The following PPP2R1B variants were observed in gnomAD, a reference collection of about 807,000 sequenced individuals.
PPP2R1B encodes the protein protein phosphatase 2 scaffold subunit Abeta.
Under a neutral mutation model 72.7 loss-of-function variants are expected in PPP2R1B, and 58 were observed. The ratio of observed to expected loss-of-function variants is 0.80; its 90% CI spans 0.65 to 0.99. The LOEUF (loss-of-function observed/expected upper bound fraction) is 0.99, where lower values mean the gene tolerates loss of function less well. Among genes scored for constraint, PPP2R1B ranks in the 50% least tolerant of loss-of-function variants. PPP2R1B has a pLI of 0.00. For synonymous variants in PPP2R1B, 256 were observed against 264.6 expected (o/e 0.97, Z 0.32); for missense variants, 695 against 733.6 (o/e 0.95, Z 0.61).
chr11:111,756,087 G>A (rs1277357942), intron 5 of PPP2R1B, among the ~76,000 whole-genome samples: 2 of 152,108 alleles, frequency 1.3e-5, no homozygotes, highest in Non-Finnish European at 2.9e-5. Flanking sequence ...GCGGGTGCCT[G>A]TAGTCCCAGC....
chr11:111,717,090 G>A, the PPP2R1B span, among the ~76,000 whole-genome samples: 21 of 152,078 alleles, frequency 1.4e-4, no homozygotes, highest in South Asian at 1.0e-3. Flanking sequence ...TGAGGCAGGC[G>A]GATCACGAGG....
At chr11:111,764,233 AT>A (rs1945435939) in intron 3 of PPP2R1B, among the ~76,000 whole-genome samples, 1 of 149,938 alleles carries the variant, frequency 6.7e-6, no homozygotes, top group African/African-American at 2.5e-5. Context: ...TTTTTAAGAG[AT>A]GGGGGTCTCA....
At chr11:111,701,059 C>T in the PPP2R1B span, 1 of 1,583,538 alleles carries the variant, frequency 6.3e-7, no homozygotes, top group Non-Finnish European at 8.6e-7. This position sits in a 1 kb window ranked among gnomAD's most constrained non-coding sequence, Gnocchi z 4.2. Flanking sequence ...ACTGATAATA[C>T]TTGGTGTTCT....
downstream of PPP2R1B, chr11:111,722,620 G>A (rs1335026684): frequency 1.0e-5 from 16 of 1,574,726 alleles, no homozygotes; most frequent in Non-Finnish European, 4.4e-6. The surrounding 1 kb of genome is among the most constrained non-coding windows in gnomAD (Gnocchi z 4.4). Context: ...TGCATCCTAG[G>A]TGACAGCACA....
intron 3 of PPP2R1B, among the ~76,000 whole-genome samples, 189 bp downstream of exon 3, chr11:111,764,616 T>C (rs1555052407): frequency 6.6e-6 from 1 of 151,104 alleles, no homozygotes; most frequent in African/African-American, 2.4e-5. Context: ...TTCTCTTATT[T>C]ACAGAAAAAA....
rs45617836 is a variant in PPP2R1B, at chr11:111,728,559, G to A, written c.1912-1502C>T. 1,252 of 152,226 alleles carry A rather than the reference G, an allele frequency of 8.2e-3. 17 individuals carry two copies. Among genetic ancestry groups the A allele is most frequent in the Non-Finnish European group, 0.013 (854 of 68,074 alleles). 9.4% of individuals were successfully genotyped at this position (152,226 alleles called of 1,614,324 possible). A position where few individuals can be genotyped will look rare whatever the true frequency, so the allele number is the denominator to read the frequency against. Reference sequence around the variant, plus strand: ...CCACCTTGGCCTCCCAAAGTACTGGGATTACAGGTGTGAGCCACCACACCC... The same window carrying A: ...CCACCTTGGCCTCCCAAAGTACTGGAATTACAGGTGTGAGCCACCACACCC... On this transcript the variant is annotated intron_variant, in intron 15 of 15. Coordinates refer to the PPP2R1B transcript ENST00000311129.
chr11:111,690,874 G>A, the PPP2R1B span, among the ~76,000 whole-genome samples: 2 of 152,248 alleles, frequency 1.3e-5, no homozygotes, highest in South Asian at 4.1e-4. Context: ...AGGCATTTGG[G>A]TTGGTTCCAA....
chr11:111,750,026 C>T (rs1944844876), intron 10 of PPP2R1B, among the ~76,000 whole-genome samples: 1 of 152,148 alleles, frequency 6.6e-6, no homozygotes, highest in Non-Finnish European at 1.5e-5. Flanking sequence ...AGAAGATGAC[C>T]CATAGCACTT....
At chr11:111,708,462 G>T in the PPP2R1B span, among the ~76,000 whole-genome samples, 1 of 152,106 alleles carries the variant, frequency 6.6e-6, no homozygotes, top group East Asian at 1.9e-4. Context: ...TCTTAGATTT[G>T]GAGTGCTTAT....
chr11:111,756,948 T>C (rs1356886860), intron 5 of PPP2R1B, among the ~76,000 whole-genome samples: 5 of 152,008 alleles, frequency 3.3e-5, no homozygotes, highest in Non-Finnish European at 5.9e-5. Flanking sequence ...ACCCCATCTC[T>C]ACTAACAATA....
At chr11:111,743,330 T>C (rs1254349482) in intron 12 of PPP2R1B, 46 bp downstream of exon 12, 2 of 1,511,760 alleles carry the variant, frequency 1.3e-6, no homozygotes, top group South Asian at 2.4e-5. Context: ...ATGAATAATT[T>C]TGCTTTAATG....
intron 2 of PPP2R1B, 75 bp from the exon 3 acceptor site, chr11:111,764,980 C>A: frequency 6.4e-7 from 1 of 1,570,986 alleles, no homozygotes; most frequent in African/African-American, 1.4e-5. Flanking sequence ...AAACTAGGAA[C>A]AGATTCACTA....
rs1233691615 is a variant in PPP2R1B at position 111,740,725 on chromosome 11, GGAAGCA to G, written c.*865_*870del. 1.0e-6 allele frequency: 1 copy of G among 985,294 alleles called. No homozygotes were observed. The highest frequency in any genetic ancestry group is 1.2e-6 in the Non-Finnish European group (1 of 829,936). 61.0% of individuals were successfully genotyped at this position (985,294 alleles called of 1,614,324 possible). A position where few individuals can be genotyped will look rare whatever the true frequency, so the allele number is the denominator to read the frequency against. On this transcript the variant is annotated 3_prime_UTR_variant, in exon 15 of 15. Transcript: ENST00000527614. ...GCAAGGACTAGGTGTCAATACTGCT[GGAAGCA>G]GAGCCAGGTAAAGAACAGGAAATCT...
chr11:111,760,853 T>G lies in PPP2R1B; in HGVS notation c.505A>C (p.Arg169=). The change falls in exon 4 of 15, where the codon AGG becomes CGG. Residue 169 remains arginine, a synonymous_variant. Coordinates refer to ENST00000527614, the MANE Select transcript of PPP2R1B (RefSeq NM_002716.5). ...TCTGCTTTAACAGCATTTGATGCCC[T>G]GGGATAGCAAACGCTGAACAAACCA... ...ACGLFSVCYP[R]ASNAVKAEIR... The G allele has an allele frequency of 6.2e-7, 1 of 1,614,198 alleles. No individual in the cohort carries two copies. Among genetic ancestry groups the G allele is most frequent in the Admixed American group, 1.7e-5 (1 of 60,016 alleles).
rs56811580 is a variant in PPP2R1B, at chr11:111,738,882, TTGTGTGTGTGTGTGTGTGTGTGTGTG to T, written c.*2688_*2713del. 1 of 935,506 alleles carries T rather than the reference TTGTGTGTGTGTGTGTGTGTGTGTGTG, an allele frequency of 1.1e-6. No homozygotes were observed. The highest frequency in any genetic ancestry group is 1.3e-6 in the Non-Finnish European group (1 of 791,624). 58.0% of individuals were successfully genotyped at this position (935,506 alleles called of 1,614,324 possible). Reference sequence around the variant, plus strand: ...ATTTTTATTGGCATAGGTTATATGTTTGTGTGTGTGTGTGTGTGTGTGTGTGTGTGTGTGTGTGTGTGTCTGCTTCA... The same window carrying T: ...ATTTTTATTGGCATAGGTTATATGTTTGTGTGTGTGTGTGTGTCTGCTTCA... On this transcript the variant is annotated 3_prime_UTR_variant, in exon 15 of 15. Transcript: ENST00000527614.
the PPP2R1B span, among the ~76,000 whole-genome samples, chr11:111,692,234 C>T: frequency 2.0e-5 from 3 of 151,330 alleles, no homozygotes; most frequent in South Asian, 6.3e-4. Flanking sequence ...GCCTGTAGTC[C>T]CAGCTACTCC....
the PPP2R1B span, among the ~76,000 whole-genome samples, chr11:111,711,107 T>C: frequency 2.0e-5 from 3 of 151,998 alleles, no homozygotes; most frequent in African/African-American, 7.3e-5. Context: ...TAAGGAAAAA[T>C]TCTCTTTTAA....
chr11:111,706,637 G>T, the PPP2R1B span, among the ~76,000 whole-genome samples: 1 of 152,052 alleles, frequency 6.6e-6, no homozygotes. Flanking sequence ...TAGATAAATG[G>T]TATATTTTGT....
At chr11:111,756,610 C>T (rs1156258877) in intron 5 of PPP2R1B, among the ~76,000 whole-genome samples, 1 of 152,084 alleles carries the variant, frequency 6.6e-6, no homozygotes, top group Admixed American at 6.5e-5. Context: ...GAAAGAAATA[C>T]ACAGAACAAT....
Sources: allele counts gnomAD v4.1 joint callset (sites outside exome capture counted in the v4.1 genomes callset), GRCh38; gene constraint gnomAD v4.1.1; non-coding constraint Gnocchi (gnomAD v3.1); transcripts MANE v1.5; gene names NCBI Gene and HGNC (gene_info 2026-07-23, HGNC 2026-07-21).